Variants in BICC1 observed in about 807,000 individuals in gnomAD.
BICC1 encodes protein bicaudal C homolog 1.
Under a neutral mutation model 111.0 loss-of-function variants are expected in BICC1, and 43 were observed. The observed-to-expected ratio is 0.39, with a 90% confidence interval of 0.30 to 0.50. BICC1 has a LOEUF of 0.50. Among genes scored for constraint, BICC1 ranks in the 20% least tolerant of loss-of-function variants. BICC1 has a pLI of 0.88. For synonymous variants in BICC1, 467 were observed against 434.4 expected (o/e 1.07, Z -0.93); for missense variants, 1,091 against 1,203.2 (o/e 0.91, Z 1.38).
intron 1 of BICC1, among the ~76,000 whole-genome samples, chr10:58,596,879 AAC>A (rs1206588901): frequency 6.6e-6 from 1 of 152,200 alleles, no homozygotes; most frequent in Non-Finnish European, 1.5e-5. Flanking sequence ...GAGAACTATA[AAC>A]CACTGCTCAA....
At chr10:58,807,191 G>T in intron 17 of BICC1, 33 bp downstream of exon 17, 2 of 1,582,854 alleles carry the variant, frequency 1.3e-6, no homozygotes, top group Non-Finnish European at 1.7e-6. Flanking sequence ...CATTCTTCCT[G>T]TCTGTTCTTT....
chr10:58,701,605 A>C (rs1180324281), intron 2 of BICC1, among the ~76,000 whole-genome samples: 4 of 152,154 alleles, frequency 2.6e-5, no homozygotes, highest in African/African-American at 9.7e-5. Context: ...ATACAAATGC[A>C]CCCAAAGCAA....
chr10:58,553,921 C>T (rs1286524167), intron 1 of BICC1, among the ~76,000 whole-genome samples: 1 of 151,954 alleles, frequency 6.6e-6, no homozygotes, highest in Non-Finnish European at 1.5e-5. Context: ...AGAGTCTTAA[C>T]TTCTTGGTTA....
At position 58,789,926 on chromosome 10, in the gene BICC1, A is replaced by G. The variant is rs372131085; in HGVS notation, c.1040A>G (p.Tyr347Cys). 3 of 1,614,080 alleles carry G rather than the reference A, an allele frequency of 1.9e-6. No homozygotes were observed. The highest frequency in any genetic ancestry group is 2.2e-5 in the South Asian group (2 of 91,070). ...GAGTCTGTCTGTCTTGCAAGGCAAT[A>G]TCTCATGGTAAGGTTACTGAAATAA... ...TIESVCLARQ[Y>C]LMGCLPLVLM... The change falls in exon 8 of 21, where the codon TAT (tyrosine) becomes TGT (cysteine). Residue 347 changes from tyrosine to cysteine, a missense_variant. Around this residue, in one of 3 missense-constraint regions of BICC1, gnomAD observed 843 missense variants for 900.8 expected, o/e 0.94. Coordinates refer to ENST00000373886, the MANE Select transcript of BICC1 (RefSeq NM_001080512.3).
chr10:58,808,389 GC>G (rs2132912159), intron 17 of BICC1, among the ~76,000 whole-genome samples: 1 of 152,276 alleles, frequency 6.6e-6, no homozygotes, highest in South Asian at 2.1e-4. Flanking sequence ...ATTCCTTTCA[GC>G]CCATCCTTGC....
chr10:58,639,938 A>T (rs1411912499), intron 2 of BICC1, among the ~76,000 whole-genome samples: 1 of 151,888 alleles, frequency 6.6e-6, no homozygotes, highest in African/African-American at 2.4e-5. Flanking sequence ...GCTGCCATTG[A>T]AATTAATCCA....
chr10:58,773,512 C>A (rs570866031), intron 3 of BICC1, among the ~76,000 whole-genome samples: 2 of 152,346 alleles, frequency 1.3e-5, no homozygotes, highest in Middle Eastern at 3.4e-3. Flanking sequence ...AAGCCATTAT[C>A]ATCACCTGAG....
chr10:58,727,723 C>T (rs1055246249), intron 3 of BICC1, among the ~76,000 whole-genome samples: 1 of 152,138 alleles, frequency 6.6e-6, no homozygotes, highest in African/African-American at 2.4e-5. Flanking sequence ...GATTTATATT[C>T]CTTTAGCAGC....
chr10:58,541,986 C>CA (rs958466203), intron 1 of BICC1, among the ~76,000 whole-genome samples: 6 of 151,506 alleles, frequency 4.0e-5, no homozygotes, highest in African/African-American at 1.5e-4. Context: ...CCTGTTTCTA[C>CA]AAAAAATAAC....
chr10:58,699,700 T>C (rs951303795), intron 2 of BICC1, among the ~76,000 whole-genome samples: 17 of 152,170 alleles, frequency 1.1e-4, no homozygotes, highest in Non-Finnish European at 2.4e-4. Flanking sequence ...TATCTTTCTT[T>C]CTTTTTTTTT....
rs762392468 is a variant in BICC1 at position 58,796,424 on chromosome 10, G to T, written c.1264G>T (p.Val422Phe). Reference sequence around the variant, plus strand: ...TCTCCTCGGACTTGAAAGCAGTGGGGTTACCATAGCAACCAGTCCATCCCC... The same window carrying T: ...TCTCCTCGGACTTGAAAGCAGTGGGTTTACCATAGCAACCAGTCCATCCCC... ...KCLLGLESSG[V>F]TIATSPSPAS... Residue 422 changes from valine (V) to phenylalanine (F), a missense_variant, in exon 10 of 21, where the codon GTT becomes TTT. Transcript: ENST00000373886. 2.5e-6 allele frequency: 4 copies of T among 1,614,080 alleles called. No individual in the cohort carries two copies. The highest frequency in any genetic ancestry group is 2.5e-6 in the Non-Finnish European group (3 of 1,180,012).
At chr10:58,578,124 G>A (rs1243491482) in intron 1 of BICC1, among the ~76,000 whole-genome samples, 1 of 152,042 alleles carries the variant, frequency 6.6e-6, no homozygotes, top group Non-Finnish European at 1.5e-5. Flanking sequence ...GGTGGGTGGG[G>A]GTAAAGACAA....
At chr10:58,775,385 A>G (rs1204493538) in intron 3 of BICC1, among the ~76,000 whole-genome samples, 1 of 150,638 alleles carries the variant, frequency 6.6e-6, no homozygotes, top group Non-Finnish European at 1.5e-5. Flanking sequence ...AAAAAAAACA[A>G]AAAACAAAAA....
chr10:58,781,187 T>C (rs1842874466), intron 3 of BICC1, among the ~76,000 whole-genome samples: 2 of 152,322 alleles, frequency 1.3e-5, no homozygotes, highest in Admixed American at 1.3e-4. Flanking sequence ...ACAGTTTTTT[T>C]GTATTTTTAA....
chr10:58,631,348 CA>C (rs1389026242), intron 2 of BICC1, among the ~76,000 whole-genome samples: 1 of 152,098 alleles, frequency 6.6e-6, no homozygotes. Flanking sequence ...ATATGTTTAA[CA>C]GTTGCGGCTT....
intron 2 of BICC1, chr10:58,650,199 G>C (rs539922898): frequency 6.6e-6 from 1 of 152,206 alleles, no homozygotes; most frequent in Admixed American, 6.5e-5. Flanking sequence ...TCCTCTCTCT[G>C]TCTCTTTCTC....
intron 1 of BICC1, among the ~76,000 whole-genome samples, chr10:58,589,066 C>T (rs1335611939): frequency 6.6e-6 from 1 of 152,198 alleles, no homozygotes; most frequent in East Asian, 1.9e-4. Context: ...GGATGCTGCC[C>T]TCTACCGGTG....
Position 58,513,249 on chromosome 10 carries a change from G to C in BICC1, c.106G>C (p.Val36Leu), listed in dbSNP as rs754126869. ...SPVPGSEDDL[V>L]AGATLHSPEW... ...AGTGCCCGGCTCCGAGGACGACTTGGTCGCCGGGGCGACCCTGCACAGCCC... is the reference window on the plus strand; with the variant it reads ...AGTGCCCGGCTCCGAGGACGACTTGCTCGCCGGGGCGACCCTGCACAGCCC... The change falls in exon 1 of 21, where the codon GTC becomes CTC. Residue 36 changes from valine (V) to leucine (L), a missense_variant. Val to Leu is a conservative substitution (Grantham distance 32). Coordinates refer to ENST00000373886, the MANE Select transcript of BICC1 (RefSeq NM_001080512.3). 6 of 1,613,090 alleles carry C rather than the reference G, an allele frequency of 3.7e-6. No homozygotes were observed. Among genetic ancestry groups the C allele is most frequent in the Admixed American group, 1.7e-5 (1 of 59,974 alleles).
At chr10:58,802,048 G>C (rs1275689632) in intron 14 of BICC1, among the ~76,000 whole-genome samples, 2 of 152,140 alleles carry the variant, frequency 1.3e-5, no homozygotes, top group Non-Finnish European at 2.9e-5. Context: ...TTATTAGCTT[G>C]ATCTATCCTT....
Sources: gnomAD v4.1 joint callset for allele counts (sites outside exome capture counted in the v4.1 genomes callset) on GRCh38, gnomAD v4.1.1 for gene constraint, gnomAD v4.1.1 regional missense constraint, MANE v1.5 for transcripts, NCBI Gene and HGNC (gene_info 2026-07-23, HGNC 2026-07-21) for gene names.